CCDC85A: variants seen among roughly 807,000 people sequenced by gnomAD.
CCDC85A encodes coiled-coil domain-containing protein 85A.
A neutral mutation model predicts 50.2 loss-of-function variants in CCDC85A; 38 were observed. That is an observed-to-expected ratio of 0.76 (90% CI 0.58 to 0.99). The LOEUF is 0.99. Among genes scored for constraint, CCDC85A ranks in the 50% least tolerant of loss-of-function variants. The probability of loss-of-function intolerance (pLI) is 0.00; values close to 1 mark genes in which losing one functional copy is unlikely to be tolerated. For synonymous variants in CCDC85A, 366 were observed against 301.4 expected (o/e 1.21, Z -2.22); for missense variants, 820 against 742.0 (o/e 1.11, Z -1.22).
rs1558577334 is a variant in CCDC85A at position 56,193,292 on chromosome 2, A to AG, written c.1092_1093insG (p.His365AlafsTer7). 6.2e-7 allele frequency: 1 copy of AG among 1,613,772 alleles called. No homozygotes were observed. Among genetic ancestry groups the AG allele is most frequent in the South Asian group, 1.1e-5 (1 of 91,064 alleles). ...GCACCAGCCCGGAGCACCTCAAACAACATTATGGAGGGAGCCCTGATCACA... is the reference window on the plus strand; with the variant it reads ...GCACCAGCCCGGAGCACCTCAAACAAGCATTATGGAGGGAGCCCTGATCACA... On this transcript the variant is annotated frameshift_variant, in exon 2 of 6. Coordinates refer to ENST00000407595, the MANE Select transcript of CCDC85A (RefSeq NM_001080433.2). LOFTEE classifies it high-confidence loss of function.
At chr2:56,245,466 A>G (rs1168585146) in intron 2 of CCDC85A, among the ~76,000 whole-genome samples, 1 of 152,168 alleles carries the variant, frequency 6.6e-6, no homozygotes, top group Non-Finnish European at 1.5e-5. Flanking sequence ...TATCTTTCCT[A>G]TCTTCTTCAG....
chr2:56,250,193 T>C (rs1364197163), intron 2 of CCDC85A, among the ~76,000 whole-genome samples: 1 of 152,162 alleles, frequency 6.6e-6, no homozygotes, highest in Non-Finnish European at 1.5e-5. Flanking sequence ...ATTTAAGAGT[T>C]TGGTGCCTGT....
chr2:56,205,613 T>G (rs557690708), intron 2 of CCDC85A, among the ~76,000 whole-genome samples: 6 of 152,148 alleles, frequency 3.9e-5, no homozygotes, highest in Non-Finnish European at 8.8e-5. Flanking sequence ...AGGGGAAGCA[T>G]GAACTGATAA....
chr2:56,265,686 C>A (rs894704432), intron 2 of CCDC85A, among the ~76,000 whole-genome samples: 1 of 152,030 alleles, frequency 6.6e-6, no homozygotes, highest in African/African-American at 2.4e-5. Context: ...GCCTTGCACA[C>A]GGTTGGTGGT....
chr2:56,216,054 C>T (rs1361847747), intron 2 of CCDC85A, among the ~76,000 whole-genome samples: 2 of 151,890 alleles, frequency 1.3e-5, no homozygotes, highest in African/African-American at 4.8e-5. Flanking sequence ...AGATCACAGA[C>T]TTTCAAAGCC....
chr2:56,342,804 C>T, intron 2 of CCDC85A, 75 bp from the exon 3 acceptor site: 1 of 921,650 alleles, frequency 1.1e-6, no homozygotes, highest in Non-Finnish European at 1.7e-6. Context: ...TTGAATAAAT[C>T]AAGCCAGAAA....
At chr2:56,254,466 T>G (rs1669898036) in intron 2 of CCDC85A, among the ~76,000 whole-genome samples, 1 of 152,204 alleles carries the variant, frequency 6.6e-6, no homozygotes, top group Non-Finnish European at 1.5e-5. Context: ...AATTAATTCA[T>G]GTGAAAAACC....
At chr2:56,209,460 G>A (rs1479486630) in intron 2 of CCDC85A, among the ~76,000 whole-genome samples, 1 of 137,724 alleles carries the variant, frequency 7.3e-6, no homozygotes, top group Non-Finnish European at 1.5e-5. Flanking sequence ...AGCACTAAAT[G>A]TTGACTTGTA....
At chr2:56,344,080 C>T (rs1286063107) in intron 3 of CCDC85A, among the ~76,000 whole-genome samples, 1 of 152,108 alleles carries the variant, frequency 6.6e-6, no homozygotes, top group Non-Finnish European at 1.5e-5. Flanking sequence ...AGTTGTCCCC[C>T]TTTTCAAGGG....
At chr2:56,207,359 T>C (rs932450115) in intron 2 of CCDC85A, among the ~76,000 whole-genome samples, 2 of 152,180 alleles carry the variant, frequency 1.3e-5, no homozygotes, top group African/African-American at 4.8e-5. Context: ...GAGCATACTC[T>C]ACATTTGACT....
At chr2:56,219,891 A>G (rs143792445) in intron 2 of CCDC85A, among the ~76,000 whole-genome samples, 2 of 152,028 alleles carry the variant, frequency 1.3e-5, no homozygotes, top group African/African-American at 4.8e-5. Context: ...ACACTAAAAT[A>G]TAGTAGAAAC....
chr2:56,361,291 G>C (rs143846606), intron 3 of CCDC85A, among the ~76,000 whole-genome samples: 92 of 151,862 alleles, frequency 6.1e-4, no homozygotes, highest in African/African-American at 1.8e-3. Flanking sequence ...AATTTCTGTA[G>C]GTCATGGAAG....
At chr2:56,336,652 A>T (rs1169679402) in intron 2 of CCDC85A, among the ~76,000 whole-genome samples, 1 of 152,216 alleles carries the variant, frequency 6.6e-6, no homozygotes, top group Non-Finnish European at 1.5e-5. Context: ...TTTGTGGGTG[A>T]TTTCAAGGAT....
intron 3 of CCDC85A, among the ~76,000 whole-genome samples, chr2:56,367,208 A>G (rs1675838116): frequency 1.3e-5 from 2 of 152,154 alleles, no homozygotes; most frequent in Admixed American, 1.3e-4. Flanking sequence ...CCTTTGGACC[A>G]CTGCCCTGTG....
At chr2:56,216,957 T>G (rs541021240) in intron 2 of CCDC85A, among the ~76,000 whole-genome samples, 68 of 151,992 alleles carry the variant, frequency 4.5e-4, no homozygotes, top group African/African-American at 1.6e-3. Flanking sequence ...AATCGTTGCA[T>G]TTTCTTTGCC....
rs185807512 is a variant in CCDC85A at position 56,245,961 on chromosome 2, T to C, written c.1240+52521T>C. On this transcript the variant is annotated intron_variant, in intron 2 of 5. Coordinates refer to ENST00000407595, the MANE Select transcript of CCDC85A (RefSeq NM_001080433.2). Reference sequence around the variant, plus strand: ...TTACCGAGTCTCAGGTATTCTGTTATAGCAGCTGAAAACGTACTAAGACAA... The same window carrying C: ...TTACCGAGTCTCAGGTATTCTGTTACAGCAGCTGAAAACGTACTAAGACAA... Among the ~76,000 whole-genome samples the C allele has an allele frequency of 1.6e-3, 251 of 152,306 alleles. 2 individuals are homozygous for C. The highest frequency in any genetic ancestry group is 5.2e-3 in the African/African-American group (217 of 41,584).
intron 2 of CCDC85A, among the ~76,000 whole-genome samples, chr2:56,201,358 C>G (rs1277753772): frequency 6.6e-6 from 1 of 152,116 alleles, no homozygotes; most frequent in African/African-American, 2.4e-5. Context: ...CTTTGGAAGA[C>G]TAGGCATTTG....
chr2:56,267,067 G>C (rs954923219), intron 2 of CCDC85A, among the ~76,000 whole-genome samples: 11 of 152,080 alleles, frequency 7.2e-5, no homozygotes, highest in African/African-American at 1.9e-4. Flanking sequence ...TGTAGGGATA[G>C]TGTTGTATGT....
intron 2 of CCDC85A, among the ~76,000 whole-genome samples, chr2:56,328,746 A>G (rs181367278): frequency 1.3e-5 from 2 of 152,040 alleles, no homozygotes; most frequent in African/African-American, 4.8e-5. Context: ...CATCTACACT[A>G]TATGTATGTT....
Sources: allele counts gnomAD v4.1 joint callset (sites outside exome capture counted in the v4.1 genomes callset), GRCh38; gene constraint gnomAD v4.1.1; transcripts MANE v1.5; gene names NCBI Gene and HGNC (gene_info 2026-07-23, HGNC 2026-07-21).